THBS4: variants seen among roughly 807,000 people sequenced by gnomAD.
THBS4 encodes the protein thrombospondin 4, also known as thrombospondin-4.
Under a neutral mutation model 115.7 loss-of-function variants are expected in THBS4, and 90 were observed. That is an observed-to-expected ratio of 0.78 (90% CI 0.66 to 0.93). The LOEUF is 0.93. Among genes scored for constraint, THBS4 ranks in the 40% least tolerant of loss-of-function variants. The probability of loss-of-function intolerance (pLI) is 0.00; values close to 1 mark genes in which losing one functional copy is unlikely to be tolerated. For synonymous variants in THBS4, 460 were observed against 479.3 expected (o/e 0.96, Z 0.53); for missense variants, 1,087 against 1,232.7 (o/e 0.88, Z 1.77).
chr5:80,040,043 T>C (rs775293278), intron 1 of THBS4, 34 bp from the exon 2 acceptor site: 1 of 1,598,792 alleles, frequency 6.3e-7, no homozygotes, highest in Non-Finnish European at 8.6e-7. Context: ...AATTGAATCT[T>C]TCACTTATAC....
chr5:80,011,363 G>C (rs1005442339), intron 2 of THBS4, among the ~76,000 whole-genome samples: 3 of 152,048 alleles, frequency 2.0e-5, no homozygotes, highest in Non-Finnish European at 4.4e-5. Flanking sequence ...TCATTATCTA[G>C]AATGTCTAGA....
At position 80,052,429 on chromosome 5, in the gene THBS4, C is replaced by A. The variant is rs1392654617; in HGVS notation, c.293-3356C>A. Reference sequence around the variant, plus strand: ...ATTTCTATTTGTGTCTATTTCCCTCCATTCCATTATTTTCTTCCTCTTCAT... The same window carrying A: ...ATTTCTATTTGTGTCTATTTCCCTCAATTCCATTATTTTCTTCCTCTTCAT... On this transcript the variant is annotated intron_variant, in intron 2 of 21. Coordinates refer to ENST00000350881, the MANE Select transcript of THBS4 (RefSeq NM_003248.6). 4 of 152,276 alleles carry A rather than the reference C, an allele frequency of 2.6e-5. No individual in the cohort carries two copies. In the East Asian group the frequency reaches 7.7e-4, roughly 29 times the overall value. The allele number at this position is 152,276 out of a possible 1,614,324, so 9.4% of individuals were successfully genotyped here.
chr5:80,079,352 T>A, intron 19 of THBS4, 94 bp downstream of exon 19: 1 of 1,346,402 alleles, frequency 7.4e-7, no homozygotes, highest in Non-Finnish European at 9.9e-7. Context: ...TTAGTTAATC[T>A]AAAAAAAATT....
chr5:80,038,417 G>A (rs1832785410), intron 1 of THBS4, among the ~76,000 whole-genome samples: 1 of 152,112 alleles, frequency 6.6e-6, no homozygotes, highest in African/African-American at 2.4e-5. Flanking sequence ...CTTTTTGGAA[G>A]AATCAAAATG....
At chr5:80,072,252 C>T in intron 13 of THBS4, 26 bp from the exon 14 acceptor site, 7 of 1,601,430 alleles carry the variant, frequency 4.4e-6, no homozygotes, top group Non-Finnish European at 5.1e-6. Flanking sequence ...ATTCCCCTGA[C>T]TCAAGGTAGC....
At chr5:80,077,239 CTCAG>C (rs1266400280) in intron 16 of THBS4, among the ~76,000 whole-genome samples, 191 bp downstream of exon 16, 1 of 152,206 alleles carries the variant, frequency 6.6e-6, no homozygotes, top group Non-Finnish European at 1.5e-5. Context: ...CAGTCTCCAA[CTCAG>C]TCAGGACTGA....
intron 2 of THBS4, among the ~76,000 whole-genome samples, chr5:80,045,848 TG>T (rs1489148335): frequency 2.0e-5 from 3 of 152,162 alleles, no homozygotes; most frequent in African/African-American, 7.2e-5. Flanking sequence ...GTCTTTTTAA[TG>T]TACCAGGACT....
chr5:80,045,531 C>CT (rs70982016), intron 2 of THBS4, among the ~76,000 whole-genome samples: 10,092 of 135,604 alleles, frequency 0.074, 519 homozygotes, highest in Non-Finnish European at 0.097. Flanking sequence ...TTTATGGAGT[C>CT]TTTTTTTTTT....
intron 15 of THBS4, chr5:80,075,061 G>C (rs1322055808): frequency 6.6e-6 from 1 of 152,052 alleles, no homozygotes; most frequent in African/African-American, 2.4e-5. Context: ...CCTCCTATAT[G>C]CTTTAAAAAT....
intron 2 of THBS4, among the ~76,000 whole-genome samples, chr5:80,017,053 A>G (rs1199143116): frequency 2.0e-5 from 3 of 152,238 alleles, no homozygotes; most frequent in African/African-American, 7.2e-5. Context: ...GATCAAGAAA[A>G]ATAAAAATAA....
chr5:80,078,343 C>G (rs1441268260), intron 17 of THBS4, 116 bp downstream of exon 17: 6 of 856,890 alleles, frequency 7.0e-6, no homozygotes, highest in Admixed American at 3.3e-5. Context: ...TTCACATTCG[C>G]TCTTATTCCT....
At chr5:80,020,774 C>T (rs1430435472) in intron 2 of THBS4, among the ~76,000 whole-genome samples, 3 of 152,154 alleles carry the variant, frequency 2.0e-5, no homozygotes, top group Non-Finnish European at 4.4e-5. Context: ...CTACCCTGAG[C>T]TTTTCTCCTC....
At chr5:80,073,551 T>C (rs1743021189) in intron 15 of THBS4, among the ~76,000 whole-genome samples, 1 of 152,082 alleles carries the variant, frequency 6.6e-6, no homozygotes, top group Non-Finnish European at 1.5e-5. Flanking sequence ...GCCTGGCTAA[T>C]TTTTTTGTAT....
At chr5:80,061,970 T>G in intron 8 of THBS4, 138 bp downstream of exon 8, 1 of 979,822 alleles carries the variant, frequency 1.0e-6, no homozygotes, top group South Asian at 2.7e-5. Context: ...AATGAGCAAA[T>G]TAGGAAGTTT....
chr5:80,005,941 A>G (rs1163272065), intron 2 of THBS4, among the ~76,000 whole-genome samples: 1 of 151,510 alleles, frequency 6.6e-6, no homozygotes, highest in Non-Finnish European at 1.5e-5. Flanking sequence ...TAATTTTTGT[A>G]TCTTTAGTAG....
intron 2 of THBS4, among the ~76,000 whole-genome samples, chr5:80,001,051 A>G (rs1831888568): frequency 1.3e-5 from 2 of 152,216 alleles, no homozygotes; most frequent in South Asian, 2.1e-4. Flanking sequence ...CAAAAATTAG[A>G]CCAGTTGACT....
intron 2 of THBS4, among the ~76,000 whole-genome samples, chr5:80,041,927 C>T (rs1178806974): frequency 6.6e-6 from 1 of 152,186 alleles, no homozygotes; most frequent in African/African-American, 2.4e-5. Context: ...AATCTGCAGG[C>T]ATTAGGAAAT....
At chr5:80,072,606 T>C (rs1396384323) in intron 14 of THBS4, 2 of 567,228 alleles carry the variant, frequency 3.5e-6, no homozygotes, top group East Asian at 5.6e-5. Flanking sequence ...TCTCCCAGGC[T>C]GTCGATTGCC....
chr5:80,061,197 C>A (rs1416418307), intron 7 of THBS4, among the ~76,000 whole-genome samples: 2 of 152,110 alleles, frequency 1.3e-5, no homozygotes, highest in Non-Finnish European at 2.9e-5. Context: ...TTCCTAGAGC[C>A]TTGGAATAGC....
Sources: gnomAD v4.1 joint callset for allele counts (sites outside exome capture counted in the v4.1 genomes callset) on GRCh38, gnomAD v4.1.1 for gene constraint, MANE v1.5 for transcripts, NCBI Gene and HGNC (gene_info 2026-07-23, HGNC 2026-07-21) for gene names.